The following CPED1 variants were observed in gnomAD, a reference collection of about 807,000 sequenced individuals.
CPED1 encodes the protein cadherin like and PC-esterase domain containing 1.
CPED1 carries 114 observed loss-of-function variants against 128.2 expected under a neutral mutation model. That is an observed-to-expected ratio of 0.89 (90% CI 0.76 to 1.04). CPED1 has a LOEUF of 1.04. Among genes scored for constraint, CPED1 ranks in the 50% least tolerant of loss-of-function variants. CPED1 has a pLI of 0.00. For synonymous variants in CPED1, 462 were observed against 426.7 expected (o/e 1.08, Z -1.02); for missense variants, 1,211 against 1,207.1 (o/e 1.00, Z -0.05).
intron 16 of CPED1, among the ~76,000 whole-genome samples, chr7:121,220,641 G>A (rs1218766984): frequency 6.6e-6 from 1 of 151,892 alleles, no homozygotes; most frequent in Admixed American, 6.6e-5. Flanking sequence ...CTATTATTCT[G>A]CTTTAACATC....
chr7:121,232,997 AT>A (rs1221975142), intron 16 of CPED1, among the ~76,000 whole-genome samples: 4 of 152,074 alleles, frequency 2.6e-5, no homozygotes, highest in African/African-American at 9.7e-5. Context: ...TTGTGGACAA[AT>A]AATTCTGTAA....
At chr7:121,090,361 T>C (rs964821819) in intron 5 of CPED1, among the ~76,000 whole-genome samples, 1 of 152,228 alleles carries the variant, frequency 6.6e-6, no homozygotes, top group Non-Finnish European at 1.5e-5. Context: ...TTACTGTTTT[T>C]CTGCCAAGAG....
intron 18 of CPED1, among the ~76,000 whole-genome samples, chr7:121,247,473 G>C (rs974506346): frequency 2.0e-5 from 3 of 152,214 alleles, no homozygotes; most frequent in African/African-American, 7.2e-5. Flanking sequence ...CATTTGGACA[G>C]ATCTTTGGAG....
intron 17 of CPED1, among the ~76,000 whole-genome samples, chr7:121,237,611 A>G (rs980830556): frequency 2.2e-4 from 33 of 152,116 alleles, no homozygotes; most frequent in Non-Finnish European, 3.4e-4. Flanking sequence ...AGTTGGGACT[A>G]AAAATGCCTT....
intron 7 of CPED1, among the ~76,000 whole-genome samples, chr7:121,119,676 G>A (rs1795340348): frequency 6.6e-6 from 1 of 151,662 alleles, no homozygotes; most frequent in South Asian, 2.1e-4. Flanking sequence ...AGTTTGAATT[G>A]TAGTCATATA....
intron 5 of CPED1, among the ~76,000 whole-genome samples, chr7:121,087,497 A>AT (rs558125868): frequency 1.5e-4 from 23 of 152,002 alleles, no homozygotes; most frequent in South Asian, 4.2e-4. Context: ...GTATTTTGAC[A>AT]TTTTTTTTAC....
chr7:121,100,241 A>G (rs1027351589), intron 7 of CPED1, 147 bp downstream of exon 7: 1 of 708,558 alleles, frequency 1.4e-6, no homozygotes, highest in African/African-American at 1.8e-5. Context: ...AAAGATTTTC[A>G]CTTAATAGGT....
intron 5 of CPED1, among the ~76,000 whole-genome samples, chr7:121,072,113 A>G (rs1221309588): frequency 1.3e-5 from 2 of 148,154 alleles, no homozygotes; most frequent in Non-Finnish European, 3.0e-5. Context: ...AGGTAGAAAC[A>G]CCTGGAACAT....
In CPED1 at chr7:121,163,540, A is replaced by G. The variant is rs114913179; in HGVS notation, c.2055+21399A>G. Among the ~76,000 whole-genome samples, 1,426 of 152,340 alleles carry G rather than the reference A, an allele frequency of 9.4e-3. 25 individuals are homozygous for G. The highest frequency in any genetic ancestry group is 0.032 in the African/African-American group (1,335 of 41,576). ...GCCTTTGCTGCTGAACATCAAGGCC[A>G]TGAACAATTTCTAAACTGTCCTATC... On this transcript the variant is annotated intron_variant, in intron 16 of 22. Transcript: ENST00000310396.
chr7:121,233,372 G>T (rs573373067), intron 16 of CPED1, among the ~76,000 whole-genome samples: 6 of 152,110 alleles, frequency 3.9e-5, no homozygotes, highest in African/African-American at 1.4e-4. Context: ...GGCTCCAAGA[G>T]ATGACACTTA....
intron 5 of CPED1, among the ~76,000 whole-genome samples, chr7:121,077,534 A>G (rs1794161694): frequency 6.6e-6 from 1 of 152,108 alleles, no homozygotes; most frequent in Non-Finnish European, 1.5e-5. Context: ...AAATTATTGC[A>G]CATTTATTGG....
At chr7:121,178,109 G>A (rs1269194918) in intron 16 of CPED1, among the ~76,000 whole-genome samples, 1 of 152,052 alleles carries the variant, frequency 6.6e-6, no homozygotes, top group East Asian at 1.9e-4. Context: ...GGACCTAGTA[G>A]CAGAGAGGAC....
intron 7 of CPED1, among the ~76,000 whole-genome samples, chr7:121,118,239 T>C (rs1191707340): frequency 6.6e-6 from 1 of 152,148 alleles, no homozygotes; most frequent in Non-Finnish European, 1.5e-5. Flanking sequence ...TTAAGTGGCA[T>C]TCTTTTAATG....
intron 18 of CPED1, among the ~76,000 whole-genome samples, chr7:121,251,600 T>C (rs1191207316): frequency 1.3e-5 from 2 of 152,204 alleles, no homozygotes; most frequent in African/African-American, 4.8e-5. Flanking sequence ...CTTAAGCTGA[T>C]AAGCAACTAC....
chr7:121,207,715 C>A (rs1260335175), intron 16 of CPED1, among the ~76,000 whole-genome samples: 1 of 152,004 alleles, frequency 6.6e-6, no homozygotes, highest in Non-Finnish European at 1.5e-5. Flanking sequence ...TTTTTGAGGT[C>A]TTGGGGAAAA....
chr7:121,001,768 T>C (rs1791867216), intron 2 of CPED1, among the ~76,000 whole-genome samples: 2 of 152,100 alleles, frequency 1.3e-5, no homozygotes, highest in African/African-American at 2.4e-5. Context: ...TGAGTGACCA[T>C]GGACAAGTGA....
intron 16 of CPED1, among the ~76,000 whole-genome samples, chr7:121,188,356 A>C (rs942989664): frequency 3.9e-5 from 6 of 152,148 alleles, no homozygotes; most frequent in African/African-American, 1.4e-4. Flanking sequence ...TGCAATGTGA[A>C]ATAAGCACAT....
At chr7:121,021,624 T>A (rs1214489878) in intron 3 of CPED1, among the ~76,000 whole-genome samples, 4 of 151,964 alleles carry the variant, frequency 2.6e-5, no homozygotes, top group Admixed American at 6.6e-5. Flanking sequence ...AATTAAAAAG[T>A]ATAAGCATTG....
chr7:121,156,592 A>G (rs1249040107), intron 16 of CPED1, among the ~76,000 whole-genome samples: 1 of 152,202 alleles, frequency 6.6e-6, no homozygotes, highest in African/African-American at 2.4e-5. Context: ...GCACAGAAAG[A>G]CAAATGTTGC....
Sources: allele counts gnomAD v4.1 joint callset (sites outside exome capture counted in the v4.1 genomes callset), GRCh38; gene constraint gnomAD v4.1.1; transcripts MANE v1.5; gene names NCBI Gene and HGNC (gene_info 2026-07-23, HGNC 2026-07-21).